FNDC5: variants seen among roughly 807,000 people sequenced by gnomAD.
FNDC5 encodes fibronectin type III domain-containing protein 5.
FNDC5 carries 10 observed loss-of-function variants against 24.6 expected under a neutral mutation model. That is an observed-to-expected ratio of 0.41 (90% CI 0.25 to 0.69). FNDC5 has a LOEUF of 0.69. Ranked by LOEUF, FNDC5 falls within the 30% of genes least tolerant of loss-of-function variation. FNDC5 has a pLI of 0.34. For missense variants in FNDC5, 226 were observed against 282.9 expected (o/e 0.80, Z 1.44); for synonymous variants, 90 against 110.7 (o/e 0.81, Z 1.18).
At chr1:32,864,322 A>C (rs777695590) in intron 5 of FNDC5, 23 bp from the exon 6 acceptor site, 1 of 1,613,744 alleles carries the variant, frequency 6.2e-7, no homozygotes, top group East Asian at 2.2e-5. Flanking sequence ...AGAGGAAATG[A>C]AGGTACAGCG....
upstream of FNDC5, among the ~76,000 whole-genome samples, chr1:32,872,217 G>A (rs1331131203): frequency 6.6e-6 from 1 of 152,142 alleles, no homozygotes; most frequent in East Asian, 1.9e-4. Flanking sequence ...GCCCACCCAG[G>A]ACTCCTTCGC....
rs1375168487 is a variant in FNDC5 at position 32,870,894 on chromosome 1, G to A, written c.-148C>T. ...CGCCGCCCCGAGCCGCCTGCATGTCGGCTCCGCGGACAGCGACTCCCGCGC... is the reference window on the plus strand; with the variant it reads ...CGCCGCCCCGAGCCGCCTGCATGTCAGCTCCGCGGACAGCGACTCCCGCGC... On this transcript the variant is annotated 5_prime_UTR_variant, in exon 1 of 6. Transcript: ENST00000373471. 1 of 148,744 alleles carries A rather than the reference G, an allele frequency of 6.7e-6. No individual in the cohort carries two copies. Among genetic ancestry groups the A allele is most frequent in the Non-Finnish European group, 1.5e-5 (1 of 68,766 alleles). 9.2% of individuals were successfully genotyped at this position (148,744 alleles called of 1,614,324 possible).
At position 32,864,019 on chromosome 1, in the gene FNDC5, C is replaced by T. The variant is rs1389400496; in HGVS notation, c.*275G>A. The T allele has an allele frequency of 3.6e-6, 5 of 1,376,530 alleles. No homozygotes were observed. The highest frequency in any genetic ancestry group is 4.7e-6 in the Non-Finnish European group (5 of 1,060,496). 85.3% of individuals were successfully genotyped at this position (1,376,530 alleles called of 1,614,324 possible). ...CCAAGACTGGGTCCTGGGCCCATGG[C>T]CCCTGGCACCCAGTCTACCCCCAGC... On this transcript the variant is annotated 3_prime_UTR_variant, in exon 6 of 6. Transcript: ENST00000373471.
intron 5 of FNDC5, 128 bp from the exon 6 acceptor site, chr1:32,864,427 C>T (rs1204425955): frequency 6.7e-7 from 1 of 1,502,102 alleles, no homozygotes; most frequent in African/African-American, 1.4e-5. Flanking sequence ...GAATTCTGCC[C>T]TCCCCACTCA....
intron 1 of FNDC5, among the ~76,000 whole-genome samples, chr1:32,870,118 G>C (rs903664732): frequency 1.3e-5 from 2 of 152,074 alleles, no homozygotes; most frequent in Non-Finnish European, 2.9e-5. Flanking sequence ...AGGAGAGGCT[G>C]GGCAAGGACG....
chr1:32,864,929 G>A, intron 4 of FNDC5, 132 bp from the exon 5 acceptor site: 4 of 1,339,796 alleles, frequency 3.0e-6, no homozygotes, highest in Non-Finnish European at 4.0e-6. Flanking sequence ...CCCTCCCTCT[G>A]CCCTCTGGCT....
At chr1:32,866,687 T>G (rs541851963) in intron 4 of FNDC5, among the ~76,000 whole-genome samples, 49 of 112,628 alleles carry the variant, frequency 4.4e-4, no homozygotes. Flanking sequence ...GATTATAGTT[T>G]AAGTTCAGCC....
At position 32,868,404 on chromosome 1, in the gene FNDC5, G is replaced by T; in HGVS notation, c.211-16C>A. On this transcript the variant is annotated splice_polypyrimidine_tract_variant and intron_variant, in intron 2 of 5. Coordinates refer to ENST00000373471, the MANE Select transcript of FNDC5 (RefSeq NM_153756.3). This position sits in a 1 kb window ranked among gnomAD's most constrained non-coding sequence, Gnocchi z 4.8. ...CATCCTTCTTCTGCAGACAAGCGCC[G>T]GTCACTGCTGTCAACACTCGGTGAC... 6.2e-7 allele frequency: 1 copy of T among 1,609,860 alleles called. No individual in the cohort carries two copies. Among genetic ancestry groups the T allele is most frequent in the South Asian group, 1.1e-5 (1 of 90,750 alleles).
Position 32,868,437 on chromosome 1 carries a change from G to T in FNDC5, c.211-49C>A. 6.4e-7 allele frequency: 1 copy of T among 1,573,386 alleles called. No homozygotes were observed. The highest frequency in any genetic ancestry group is 1.2e-5 in the South Asian group (1 of 86,586). On this transcript the variant is annotated intron_variant, in intron 2 of 5. Transcript: ENST00000373471. This position sits in a 1 kb window ranked among gnomAD's most constrained non-coding sequence, Gnocchi z 4.8. Reference sequence around the variant, plus strand: ...CTGTCAACACTCGGTGACCAGCCCCGCTCCTGCCCACCTCCCAGTGGTGAC... The same window carrying T: ...CTGTCAACACTCGGTGACCAGCCCCTCTCCTGCCCACCTCCCAGTGGTGAC...
In FNDC5 at chr1:32,864,060, T is replaced by TCATCCCTGGGAGATGACAA; in HGVS notation, c.*233_*234insTTGTCATCTCCCAGGGATG. ...TACCCCCAGCAGTCATCCCTCTGAG[T>TCATCCCTGGGAGATGACAA]GCAGCCTCAGCCACTGACATTGTTG... On this transcript the variant is annotated 3_prime_UTR_variant, in exon 6 of 6. Transcript: ENST00000373471. The TCATCCCTGGGAGATGACAA allele has an allele frequency of 6.9e-7, 1 of 1,448,590 alleles. No homozygotes were observed. The highest frequency in any genetic ancestry group is 9.1e-7 in the Non-Finnish European group (1 of 1,100,184). 89.7% of individuals were successfully genotyped at this position (1,448,590 alleles called of 1,614,324 possible).
At position 32,868,788 on chromosome 1, in the gene FNDC5, C is replaced by G; in HGVS notation, c.210+94G>C. The G allele has an allele frequency of 1.1e-6, 1 of 899,830 alleles. No individual in the cohort carries two copies. Among genetic ancestry groups the G allele is most frequent in the Non-Finnish European group, 1.5e-6 (1 of 670,182 alleles). 55.7% of individuals were successfully genotyped at this position (899,830 alleles called of 1,614,324 possible). ...CTTGCCCCAAGTTCCTATTTCCTTT[C>G]TATTTCTCCATCACCACCACTGCCA... On this transcript the variant is annotated intron_variant, in intron 2 of 5. Coordinates refer to ENST00000373471, the MANE Select transcript of FNDC5 (RefSeq NM_153756.3). The surrounding 1 kb of genome is among the most constrained non-coding windows in gnomAD (Gnocchi z 4.8).
At chr1:32,867,914 A>G in intron 3 of FNDC5, 72 bp from the exon 4 acceptor site, 1 of 1,450,754 alleles carries the variant, frequency 6.9e-7, no homozygotes, top group Non-Finnish European at 9.6e-7. Flanking sequence ...CAAGCCCAAG[A>G]CAACAGTGCT....
intron 1 of FNDC5, among the ~76,000 whole-genome samples, 181 bp from the exon 2 acceptor site, chr1:32,869,178 C>T (rs1400725177): frequency 4.6e-5 from 7 of 152,224 alleles, no homozygotes; most frequent in African/African-American, 1.7e-4. Context: ...AAGAACCAAG[C>T]CCAAGAGGCC....
rs1203531959 is a variant in FNDC5, at chr1:32,870,847, CCCGGCCGCT to C, written c.-110_-102del. 4 of 240,872 alleles carry C rather than the reference CCCGGCCGCT, an allele frequency of 1.7e-5. No individual in the cohort carries two copies. Among genetic ancestry groups the C allele is most frequent in the African/African-American group, 2.4e-5 (1 of 41,852 alleles). The allele number at this position is 240,872 out of a possible 1,614,324, so 14.9% of individuals were successfully genotyped here. On this transcript the variant is annotated 5_prime_UTR_variant, in exon 1 of 6. Transcript: ENST00000373471. ...GCGCTCCGGCCCCCGGCCCGGCCGGCCCGGCCGCTCCGGCCGCCCTGCGCCGCCCCGAGC... is the reference window on the plus strand; with the variant it reads ...GCGCTCCGGCCCCCGGCCCGGCCGGCCCGGCCGCCCTGCGCCGCCCCGAGC...
chr1:32,864,238 TCA>T lies in FNDC5; in HGVS notation c.*54_*55del. On this transcript the variant is annotated 3_prime_UTR_variant, in exon 6 of 6. Coordinates refer to ENST00000373471, the MANE Select transcript of FNDC5 (RefSeq NM_153756.3). ...TCATCATCAGAACCATGAGATCCTC[TCA>T]CATTCTCTACTGTCTGTCTTCTTAG... 2 of 1,614,164 alleles carry T rather than the reference TCA, an allele frequency of 1.2e-6. No individual in the cohort carries two copies. Among genetic ancestry groups the T allele is most frequent in the South Asian group, 2.2e-5 (2 of 91,080 alleles).
upstream of FNDC5, among the ~76,000 whole-genome samples, chr1:32,871,762 G>A (rs1341172850): frequency 6.6e-6 from 1 of 152,188 alleles, no homozygotes; most frequent in Non-Finnish European, 1.5e-5. Context: ...AGATTCGTGA[G>A]ACTCTAGAAT....
chr1:32,863,587 C>A lies in FNDC5; in HGVS notation c.*707G>T, dbSNP rs1641003239. ...TGCAGAATTTGGGTTTGTAGTGCAG[C>A]CTCCTTCATCTGACTAGGACAAGGA... On this transcript the variant is annotated 3_prime_UTR_variant, in exon 6 of 6. Transcript: ENST00000373471. The A allele has an allele frequency of 2.7e-6, 2 of 749,296 alleles. No homozygotes were observed. The allele number at this position is 749,296 out of a possible 1,614,324, so 46.4% of individuals were successfully genotyped here. A position where few individuals can be genotyped will look rare whatever the true frequency, so the allele number is the denominator to read the frequency against.
At chr1:32,864,458 T>G (rs1431128918) in intron 5 of FNDC5, 159 bp from the exon 6 acceptor site, 3 of 1,470,416 alleles carry the variant, frequency 2.0e-6, no homozygotes, top group Admixed American at 2.6e-5. Context: ...TTTTTTTTCT[T>G]CAAATCACCA....
At chr1:32,869,561 G>A (rs1466121178) in intron 1 of FNDC5, among the ~76,000 whole-genome samples, 1 of 152,212 alleles carries the variant, frequency 6.6e-6, no homozygotes, top group Admixed American at 6.5e-5. Flanking sequence ...CTGCGGAAGA[G>A]TCTGTGTGAG....
Sources: gnomAD v4.1 joint callset for allele counts (sites outside exome capture counted in the v4.1 genomes callset) on GRCh38, gnomAD v4.1.1 for gene constraint, Gnocchi (gnomAD v3.1) non-coding constraint, MANE v1.5 for transcripts, NCBI Gene and HGNC (gene_info 2026-07-23, HGNC 2026-07-21) for gene names.